EFCAB6: variants seen among roughly 807,000 people sequenced by gnomAD.
The protein encoded by EFCAB6 is EF-hand calcium-binding domain-containing protein 6.
EFCAB6 carries 156 observed loss-of-function variants against 169.8 expected under a neutral mutation model. The ratio of observed to expected loss-of-function variants is 0.92; its 90% confidence interval spans 0.81 to 1.05. The LOEUF (loss-of-function observed/expected upper bound fraction) is 1.05. Ranked by LOEUF, EFCAB6 falls within the 50% of genes least tolerant of loss-of-function variation. EFCAB6 has a pLI of 0.00. For synonymous variants in EFCAB6, 698 were observed against 676.4 expected, an observed-to-expected ratio of 1.03 and a Z score of -0.50; for missense variants, 1,800 against 1,829.1, an observed-to-expected ratio of 0.98 and a Z score of 0.29.
intron 3 of EFCAB6, among the ~76,000 whole-genome samples, chr22:43,780,177 C>T (rs1033493901): frequency 1.3e-5 from 2 of 152,018 alleles, no homozygotes; most frequent in African/African-American, 4.8e-5. Flanking sequence ...TCTGGTGGTA[C>T]TCATTAGGAA....
At chr22:43,673,523 C>T (rs534802200) in intron 13 of EFCAB6, among the ~76,000 whole-genome samples, 51 of 152,158 alleles carry the variant, frequency 3.4e-4, no homozygotes, top group Non-Finnish European at 6.8e-4. Flanking sequence ...AGCCTGTAAT[C>T]CCAACACTTT....
intron 21 of EFCAB6, among the ~76,000 whole-genome samples, chr22:43,609,636 T>C (rs77570936): frequency 5.8e-4 from 88 of 152,316 alleles, no homozygotes; most frequent in Middle Eastern, 3.4e-3. Context: ...AAAACTTTAC[T>C]GAAAGATATT....
Position 43,647,905 on chromosome 22 carries a change from T to C in EFCAB6, c.1984-12689A>G, listed in dbSNP as rs1319093847. Among the ~76,000 whole-genome samples the C allele has an allele frequency of 2.6e-5, 4 of 152,180 alleles. No homozygotes were observed. In the East Asian group the frequency reaches 5.8e-4, roughly 22 times the overall value. ...CTCCCAGAGCCAGCAGATGAGAGCA[T>C]GGCTCTGCTGACACCTTGATTCCAA... On this transcript the variant is annotated intron_variant, in intron 17 of 31. Transcript: ENST00000262726.
At chr22:43,618,218 GAAAGAGAA>G (rs1192056908) in intron 20 of EFCAB6, among the ~76,000 whole-genome samples, 2 of 135,648 alleles carry the variant, frequency 1.5e-5, no homozygotes, top group South Asian at 5.2e-4. Flanking sequence ...AAGAAAGAAA[GAAAGAGAA>G]AGAAAGAAAG....
At chr22:43,612,444 T>C (rs969306624) in intron 21 of EFCAB6, among the ~76,000 whole-genome samples, 2 of 152,104 alleles carry the variant, frequency 1.3e-5, no homozygotes, top group African/African-American at 4.8e-5. Flanking sequence ...AACAACCCCA[T>C]TGAAAAGTGG....
chr22:43,740,935 T>C (rs1163336891), intron 6 of EFCAB6, among the ~76,000 whole-genome samples: 1 of 152,170 alleles, frequency 6.6e-6, no homozygotes, highest in African/African-American at 2.4e-5. Context: ...ATCTCTAGCG[T>C]GAGCACCGGG....
At chr22:43,688,009 G>A (rs1351158948) in intron 10 of EFCAB6, among the ~76,000 whole-genome samples, 1 of 152,206 alleles carries the variant, frequency 6.6e-6, no homozygotes, top group Admixed American at 6.5e-5. Flanking sequence ...GTGGTGGAGG[G>A]CGGATCTGGA....
At chr22:43,635,417 G>C (rs926885713) in intron 17 of EFCAB6, among the ~76,000 whole-genome samples, 6 of 152,122 alleles carry the variant, frequency 3.9e-5, no homozygotes, top group Admixed American at 2.6e-4. Flanking sequence ...TGTTGGGTGA[G>C]TGAGTGAACG....
At chr22:43,666,245 T>G (rs929864744) in intron 17 of EFCAB6, among the ~76,000 whole-genome samples, 1 of 152,186 alleles carries the variant, frequency 6.6e-6, no homozygotes, top group Admixed American at 6.5e-5. Flanking sequence ...GGAGAGGGTC[T>G]GGACTATTTC....
chr22:43,662,911 T>C, intron 17 of EFCAB6, among the ~76,000 whole-genome samples: 1 of 152,092 alleles, frequency 6.6e-6, no homozygotes, highest in Middle Eastern at 3.2e-3. Context: ...AGGGTCTGAG[T>C]CTGACACAGA....
chr22:43,769,813 G>T (rs534323002), intron 4 of EFCAB6, among the ~76,000 whole-genome samples: 1 of 151,896 alleles, frequency 6.6e-6, no homozygotes, highest in Non-Finnish European at 1.5e-5. Context: ...TAGCGTGATC[G>T]TGGCTCACTG....
chr22:43,756,748 G>A (rs2060971971), intron 5 of EFCAB6, among the ~76,000 whole-genome samples: 1 of 152,236 alleles, frequency 6.6e-6, no homozygotes, highest in Admixed American at 6.5e-5. Context: ...ATTGGAGATG[G>A]GGGAAGATGG....
intron 9 of EFCAB6, among the ~76,000 whole-genome samples, chr22:43,713,186 T>G (rs1284127386): frequency 6.6e-6 from 1 of 152,200 alleles, no homozygotes; most frequent in Non-Finnish European, 1.5e-5. Flanking sequence ...ATTCATGACT[T>G]TTTACCTGTT....
At chr22:43,784,511 A>ATGTGTGTG (rs370724337) in intron 2 of EFCAB6, among the ~76,000 whole-genome samples, 1,108 of 91,322 alleles carry the variant, frequency 0.012, 54 homozygotes, top group East Asian at 0.018. Context: ...AAATATATAT[A>ATGTGTGTG]TGTGTGTGTG....
chr22:43,801,606 A>C (rs2148182120), intron 2 of EFCAB6, among the ~76,000 whole-genome samples: 1 of 152,322 alleles, frequency 6.6e-6, no homozygotes, highest in East Asian at 1.9e-4. Flanking sequence ...ATTAGTGTAG[A>C]GTTTTTTCAT....
intron 10 of EFCAB6, among the ~76,000 whole-genome samples, chr22:43,696,785 C>T (rs1161293236): frequency 2.6e-5 from 4 of 151,960 alleles, no homozygotes; most frequent in African/African-American, 4.8e-5. Context: ...CAATGGTTGC[C>T]GGAGGTGGGG....
At chr22:43,720,762 A>T (rs565688934) in intron 8 of EFCAB6, among the ~76,000 whole-genome samples, 1 of 152,234 alleles carries the variant, frequency 6.6e-6, no homozygotes, top group African/African-American at 2.4e-5. Flanking sequence ...TTGGATAGGG[A>T]ATCCAAAAGA....
chr22:43,667,015 G>A, intron 17 of EFCAB6, 89 bp downstream of exon 17: 2 of 1,458,574 alleles, frequency 1.4e-6, no homozygotes, highest in Non-Finnish European at 9.2e-7. Context: ...CTGCGTCCTG[G>A]GATAAGCCAT....
chr22:43,749,309 G>A (rs1202698197), intron 6 of EFCAB6, among the ~76,000 whole-genome samples: 1 of 152,082 alleles, frequency 6.6e-6, no homozygotes, highest in East Asian at 1.9e-4. Flanking sequence ...GTGAGTCTGG[G>A]GCCTCAGAAG....
Sources: gnomAD v4.1 joint callset for allele counts (sites outside exome capture counted in the v4.1 genomes callset) on GRCh38, gnomAD v4.1.1 for gene constraint, MANE v1.5 for transcripts, NCBI Gene and HGNC (gene_info 2026-07-23, HGNC 2026-07-21) for gene names.